The following UNC45A variants were observed in gnomAD, a reference collection of about 807,000 sequenced individuals.
UNC45A encodes the protein protein unc-45 homolog A.
A neutral mutation model predicts 103.2 loss-of-function variants in UNC45A; 78 were observed. That is an observed-to-expected ratio of 0.76 (90% CI 0.63 to 0.91). The LOEUF is 0.91. UNC45A is among the 40% of genes least tolerant of loss of function. UNC45A has a pLI of 0.00. For synonymous variants in UNC45A, 495 were observed against 504.6 expected (o/e 0.98, Z 0.25); for missense variants, 1,193 against 1,224.8 (o/e 0.97, Z 0.39).
Position 90,949,688 on chromosome 15 carries a change from C to G in UNC45A, c.2041C>G (p.Arg681Gly), listed in dbSNP as rs781776939. The change falls in exon 15 of 20, where the codon CGA becomes GGA. Residue 681 changes from arginine to glycine, a missense_variant. Coordinates refer to ENST00000418476, the MANE Select transcript of UNC45A (RefSeq NM_018671.5). ...GGCTTTAGTGGAAGAGGTAGAGGAC[C>G]GAGGCACTGTGGTTGCCCAGGGAGG... Reference protein sequence around the residue: ...FLALVEEVEDRGTVVAQGGGR... With the variant: ...FLALVEEVEDGGTVVAQGGGR... 1 of 1,614,148 alleles carries G rather than the reference C, an allele frequency of 6.2e-7. No homozygotes were observed. Among genetic ancestry groups the G allele is most frequent in the South Asian group, 1.1e-5 (1 of 91,078 alleles).
chr15:90,952,781 T>C (rs2036988986), intron 17 of UNC45A, 148 bp from the exon 18 acceptor site: 1 of 671,830 alleles, frequency 1.5e-6, no homozygotes, highest in South Asian at 1.8e-5. Flanking sequence ...ATCACGAGGA[T>C]AGCACCAAGC....
intron 9 of UNC45A, 112 bp from the exon 10 acceptor site, chr15:90,946,502 C>G: frequency 2.4e-6 from 3 of 1,266,398 alleles, no homozygotes; most frequent in East Asian, 5.1e-5. Context: ...GGCAGCTTTC[C>G]TGCTGTTTCT....
At chr15:90,935,478 C>T (rs1030478764) in intron 1 of UNC45A, 66 bp from the exon 2 acceptor site, 1 of 1,570,868 alleles carries the variant, frequency 6.4e-7, no homozygotes. Context: ...CTCCTCTCCT[C>T]TCCCCTTAGC....
intron 6 of UNC45A, among the ~76,000 whole-genome samples, chr15:90,941,910 G>T (rs1345509891): frequency 6.8e-6 from 1 of 147,454 alleles, no homozygotes; most frequent in Non-Finnish European, 1.5e-5. Context: ...AGTGAGCCCA[G>T]ATCGCGCTAC....
Position 90,948,702 on chromosome 15 carries a change from T to C in UNC45A, c.1786T>C (p.Cys596Arg). Residue 596 changes from cysteine (C) to arginine (R), a missense_variant, in exon 13 of 20, where the codon TGC becomes CGC. Cys to Arg is a radical substitution (Grantham distance 180). Coordinates refer to ENST00000418476, the MANE Select transcript of UNC45A (RefSeq NM_018671.5). ...LFAVASALVN[C>R]TNSYDYEEPD... ...TGCGGTGGCCTCAGCGCTGGTGAAC[T>C]GCACCAACAGCTATGACTACGAGGA... 6.2e-7 allele frequency: 1 copy of C among 1,614,016 alleles called. No individual in the cohort carries two copies. Among genetic ancestry groups the C allele is most frequent in the Non-Finnish European group, 8.5e-7 (1 of 1,180,014 alleles).
chr15:90,931,671 C>G (rs1231025047), upstream of UNC45A: 1 of 1,613,984 alleles, frequency 6.2e-7, no homozygotes, highest in Non-Finnish European at 8.5e-7. Flanking sequence ...GCATCCCCCT[C>G]CCTTTTCCCT....
intron 10 of UNC45A, 150 bp downstream of exon 10, chr15:90,947,064 C>T (rs1300441542): frequency 1.4e-5 from 12 of 888,736 alleles, no homozygotes; most frequent in Non-Finnish European, 2.0e-5. Flanking sequence ...TGGTGCATGC[C>T]TATAGGTCCA....
chr15:90,945,786 C>G (rs1408734269), intron 9 of UNC45A, among the ~76,000 whole-genome samples: 1 of 151,278 alleles, frequency 6.6e-6, no homozygotes, highest in Non-Finnish European at 1.5e-5. Context: ...GCACCCACCA[C>G]CACGCCTGGC....
At chr15:90,931,627 A>T (rs2035795067), upstream of UNC45A, 1 of 1,613,852 alleles carries the variant, frequency 6.2e-7, no homozygotes, top group Admixed American at 1.7e-5. Flanking sequence ...AGGGTTTTTC[A>T]GGGGAACTGA....
At chr15:90,939,410 C>A (rs572616544) in intron 4 of UNC45A, among the ~76,000 whole-genome samples, 2 of 152,250 alleles carry the variant, frequency 1.3e-5, no homozygotes, top group Non-Finnish European at 2.9e-5. Flanking sequence ...AGCCCATTCA[C>A]GCTGCCACAA....
At chr15:90,936,183 C>T (rs530531365) in intron 3 of UNC45A, 102 bp from the exon 4 acceptor site, 10 of 1,528,828 alleles carry the variant, frequency 6.5e-6, no homozygotes, top group South Asian at 2.6e-5. Context: ...CCACATTCGT[C>T]CCCCCCACCT....
At position 90,935,426 on chromosome 15, in the gene UNC45A, C is replaced by T. The variant is rs367677508; in HGVS notation, c.51+51C>T. On this transcript the variant is annotated intron_variant, in intron 1 of 19. Transcript: ENST00000418476. ...ACCCCTTCGCACCCGCCCTGACCAT[C>T]CCTGGCCTCCTTCTCCCCATCCATG... The T allele has an allele frequency of 2.0e-5, 32 of 1,581,180 alleles. No individual in the cohort carries two copies. The African/African-American group carries it at 4.0e-4, about 20-fold the overall frequency.
chr15:90,935,245 A>C, upstream of UNC45A: 1 of 1,382,606 alleles, frequency 7.2e-7, no homozygotes, highest in Non-Finnish European at 1.0e-6. Context: ...GGGGCGGGGC[A>C]GCTGCCGGTG....
chr15:90,950,074 C>A, intron 15 of UNC45A, 80 bp from the exon 16 acceptor site: 1 of 1,365,296 alleles, frequency 7.3e-7, no homozygotes, highest in Non-Finnish European at 1.0e-6. Flanking sequence ...GTGAGGGTGG[C>A]ACGGTCAGGG....
intron 17 of UNC45A, among the ~76,000 whole-genome samples, chr15:90,951,031 G>T (rs1241900716): frequency 1.3e-5 from 2 of 152,046 alleles, no homozygotes; most frequent in Admixed American, 1.3e-4. Context: ...TCTTTGAGAC[G>T]GAGTCTTGCT....
At chr15:90,940,207 T>C in intron 5 of UNC45A, 99 bp from the exon 6 acceptor site, 1 of 1,353,160 alleles carries the variant, frequency 7.4e-7, no homozygotes, top group Non-Finnish European at 1.0e-6. Flanking sequence ...AACTGTGAAG[T>C]GGAAGCAGAG....
chr15:90,950,104 G>A (rs8032947), intron 15 of UNC45A, 50 bp from the exon 16 acceptor site: 2 of 1,525,792 alleles, frequency 1.3e-6, no homozygotes, highest in African/African-American at 1.4e-5. Context: ...CCGATGGTCG[G>A]GGTCTTACTC....
intron 17 of UNC45A, chr15:90,952,618 T>G: frequency 3.2e-6 from 1 of 307,830 alleles, no homozygotes; most frequent in Non-Finnish European, 6.3e-6. Context: ...AGAGACAAGG[T>G]TTCACCATGT....
At chr15:90,943,849 C>T (rs977304395) in intron 8 of UNC45A, among the ~76,000 whole-genome samples, 3 of 151,826 alleles carry the variant, frequency 2.0e-5, no homozygotes, top group Admixed American at 6.6e-5. Context: ...TCAGTATGCC[C>T]GGCTAATTCT....
Sources: gnomAD v4.1 joint callset for allele counts (sites outside exome capture counted in the v4.1 genomes callset) on GRCh38, gnomAD v4.1.1 for gene constraint, MANE v1.5 for transcripts, NCBI Gene and HGNC (gene_info 2026-07-23, HGNC 2026-07-21) for gene names.